The following BCL9L variants were observed in gnomAD, a reference collection of about 807,000 sequenced individuals.
The protein encoded by BCL9L is B-cell CLL/lymphoma 9-like protein.
Under a neutral mutation model 99.4 loss-of-function variants are expected in BCL9L, and 19 were observed. The observed-to-expected ratio is 0.19, with a 90% CI of 0.13 to 0.28. BCL9L has a LOEUF of 0.28. Among genes scored for constraint, BCL9L ranks in the 10% least tolerant of loss-of-function variants. The probability of loss-of-function intolerance (pLI) is 1.00; values close to 1 mark genes in which losing one functional copy is unlikely to be tolerated. For synonymous variants in BCL9L, 900 were observed against 854.8 expected (o/e 1.05, Z -0.92); for missense variants, 2,023 against 2,101.6 (o/e 0.96, Z 0.73).
rs1941130199 is a variant in BCL9L, at chr11:118,921,291, G to A, written c.-130-2412C>T. 6.6e-6 allele frequency among the ~76,000 whole-genome samples: 1 copy of A among 152,090 alleles called. No individual in the cohort carries two copies. Among genetic ancestry groups the A allele is most frequent in the Non-Finnish European group, 1.5e-5 (1 of 68,036 alleles). On this transcript the variant is annotated intron_variant, in intron 1 of 9. Coordinates refer to ENST00000683865, the MANE Select transcript of BCL9L (RefSeq NM_001378213.1). The surrounding 1 kb of genome is among the most constrained non-coding windows in gnomAD (Gnocchi z 5.4). ...ACACAAACTTATACACACACACAAA[G>A]TAGTACGCAGCCATGTGCTAGCACA... is the stretch of plus-strand genomic sequence containing the variant.
At chr11:118,906,065 C>T (rs758442119) in intron 5 of BCL9L, among the ~76,000 whole-genome samples, 2 of 151,918 alleles carry the variant, frequency 1.3e-5, no homozygotes, top group Non-Finnish European at 2.9e-5. Flanking sequence ...AGGTGTGATA[C>T]ATGCCTGAGC....
chr11:118,906,690 T>G (rs551992625), intron 5 of BCL9L, among the ~76,000 whole-genome samples: 1 of 151,998 alleles, frequency 6.6e-6, no homozygotes, highest in East Asian at 1.9e-4. Context: ...TTTCTTTCTC[T>G]CTCTCTCTCT....
Position 118,903,086 on chromosome 11 carries a change from G to T in BCL9L, c.750-12C>A, listed in dbSNP as rs377448514. ...CTGCCTCTGCAGCCCTGCACAGAGT[G>T]GGGGCACCGACAGCTCAGAGAGGTG... On this transcript the variant is annotated splice_polypyrimidine_tract_variant and intron_variant, in intron 6 of 9. Coordinates refer to ENST00000683865, the MANE Select transcript of BCL9L (RefSeq NM_001378213.1). This position sits in a 1 kb window ranked among gnomAD's most constrained non-coding sequence, Gnocchi z 5.6. 3.6e-5 allele frequency: 57 copies of T among 1,567,506 alleles called. No homozygotes were observed. The highest frequency in any genetic ancestry group is 4.6e-5 in the East Asian group (2 of 43,098).
rs1200604418 is a variant in BCL9L, at chr11:118,903,332, C to A, written c.653G>T (p.Arg218Leu). ...GAPHGPPPGL[R>L]PDAPGGGGGG... ...GCCCCCGCCCCCAGGGGCATCAGGC[C>A]GAAGGCCAGGAGGAGGGCCGTGCGG... The change falls in exon 6 of 10, where the codon CGG becomes CTG. Residue 218 changes from arginine (R) to leucine (L), a missense_variant. Around this residue, in one of 3 missense-constraint regions of BCL9L, gnomAD observed 1,116 missense variants for 1,194.6 expected, o/e 0.93. Transcript: ENST00000683865. This position sits in a 1 kb window ranked among gnomAD's most constrained non-coding sequence, Gnocchi z 5.6. The A allele has an allele frequency of 6.3e-7, 1 of 1,589,794 alleles. No homozygotes were observed. Among genetic ancestry groups the A allele is most frequent in the Non-Finnish European group, 8.6e-7 (1 of 1,169,280 alleles).
At position 118,907,618 on chromosome 11, in the gene BCL9L, G is replaced by A. The variant is rs143308645; in HGVS notation, c.413-16C>T. 8.2e-4 allele frequency: 1,317 copies of A among 1,609,536 alleles called. 2 individuals carry two copies. Among genetic ancestry groups the A allele is most frequent in the Non-Finnish European group, 1.0e-3 (1,205 of 1,179,936 alleles). ...GGCGCCACCTCTGCCCAGGCAGGAC[G>A]GAGGAAAGAGTGAGTGCCTAGAGGC... is the stretch of plus-strand genomic sequence containing the variant. On this transcript the variant is annotated splice_polypyrimidine_tract_variant and intron_variant, in intron 4 of 9. Transcript: ENST00000683865.
rs1427749704 is a variant in BCL9L at position 118,921,695 on chromosome 11, C to T, written c.-130-2816G>A. Among the ~76,000 whole-genome samples the T allele has an allele frequency of 6.6e-6, 1 of 152,094 alleles. No homozygotes were observed. Among genetic ancestry groups the T allele is most frequent in the Non-Finnish European group, 1.5e-5 (1 of 68,014 alleles). On this transcript the variant is annotated intron_variant, in intron 1 of 9. Transcript: ENST00000683865. The surrounding 1 kb of genome is among the most constrained non-coding windows in gnomAD (Gnocchi z 5.4). ...GCAAAGGAGAGGCCTCTGCTTTTGC[C>T]ACTGACAGGAAAAGTGAGAAGGCAG... is the stretch of plus-strand genomic sequence containing the variant.
chr11:118,913,485 T>C (rs372576960), intron 2 of BCL9L, among the ~76,000 whole-genome samples: 2 of 152,176 alleles, frequency 1.3e-5, no homozygotes, highest in East Asian at 1.9e-4. Context: ...GGCCGGGCCT[T>C]GGGAAGCAAT....
At chr11:118,918,082 G>A (rs934959674) in intron 2 of BCL9L, among the ~76,000 whole-genome samples, 3 of 152,190 alleles carry the variant, frequency 2.0e-5, no homozygotes, top group East Asian at 1.9e-4. Flanking sequence ...GGAGAGGTTC[G>A]GGGCTGAGGT....
chr11:118,924,939 G>C (rs1204995778), intron 1 of BCL9L, among the ~76,000 whole-genome samples: 5 of 152,210 alleles, frequency 3.3e-5, no homozygotes, highest in Non-Finnish European at 7.3e-5. Context: ...CCAGGGCAAG[G>C]TTCGCTGCTC....
chr11:118,908,655 C>T lies in BCL9L; in HGVS notation c.27G>A (p.Arg9=). The T allele has an allele frequency of 6.2e-7, 1 of 1,605,436 alleles. No homozygotes were observed. Among genetic ancestry groups the T allele is most frequent in the South Asian group, 1.1e-5 (1 of 90,788 alleles). The change falls in exon 4 of 10, where the codon AGG becomes AGA. Residue 9 remains arginine (R), a splice_region_variant and synonymous_variant. Coordinates refer to ENST00000683865, the MANE Select transcript of BCL9L (RefSeq NM_001378213.1). The part of the protein sequence containing the change: MRILANKT[R]LPHPRRREAP... ...CTTCTCTCCTCCTGGGGTGGGGTAA[C>T]CTGGGAGGAGGTGGGAGAAATGTGA... is the stretch of plus-strand genomic sequence containing the variant.
chr11:118,911,000 C>T, intron 2 of BCL9L: 1 of 282,900 alleles, frequency 3.5e-6, no homozygotes, highest in South Asian at 2.9e-5. Context: ...ACCGGGGCTG[C>T]CCGAGGGCTG....
Position 118,901,867 on chromosome 11 carries a change from T to C in BCL9L, c.1876A>G (p.Met626Val). 1.2e-6 allele frequency: 2 copies of C among 1,611,288 alleles called. No individual in the cohort carries two copies. The highest frequency in any genetic ancestry group is 1.7e-4 in the Middle Eastern group (1 of 6,060). Residue 626 changes from methionine (M) to valine (V), a missense_variant, in exon 8 of 10, where the codon ATG becomes GTG. Coordinates refer to ENST00000683865, the MANE Select transcript of BCL9L (RefSeq NM_001378213.1). The surrounding 1 kb of genome is among the most constrained non-coding windows in gnomAD (Gnocchi z 6.6). ...CTCACGGGCCTCTGCATGGCATTCA[T>C]GGGCACCTCCATGGGCATACTCTGC... ...GMQSMPMEVPMNAMQRPVRPG... is the reference protein window; with the variant it reads ...GMQSMPMEVPVNAMQRPVRPG...
chr11:118,909,156 A>C (rs1281316751), intron 3 of BCL9L, among the ~76,000 whole-genome samples: 1 of 152,142 alleles, frequency 6.6e-6, no homozygotes, highest in Admixed American at 6.5e-5. Flanking sequence ...CAGTGGGAAA[A>C]CGCACACCAG....
intron 5 of BCL9L, among the ~76,000 whole-genome samples, chr11:118,904,228 G>T (rs1351339291): frequency 6.6e-6 from 1 of 152,068 alleles, no homozygotes; most frequent in Admixed American, 6.5e-5. Context: ...ATCACCTGAG[G>T]TCATGAGTTC....
At position 118,901,989 on chromosome 11, in the gene BCL9L, T is replaced by G. The variant is rs774550879; in HGVS notation, c.1754A>C (p.Asp585Ala). The change falls in exon 8 of 10, where the codon GAT (aspartate) becomes GCT (alanine). Residue 585 changes from aspartate (D) to alanine (A), a missense_variant. Asp to Ala is a moderately radical substitution (Grantham distance 126). Transcript: ENST00000683865. The surrounding 1 kb of genome is among the most constrained non-coding windows in gnomAD (Gnocchi z 6.6). Reference protein sequence around the residue: ...GMGAQLRGPMDVQDPMQLRGG... With the variant: ...GMGAQLRGPMAVQDPMQLRGG... The stretch of plus-strand genomic sequence containing the variant: ...CCGGAGCTGCATGGGATCTTGAACA[T>G]CCATGGGCCCCCGCAGCTGCGCACC... The G allele has an allele frequency of 2.5e-6, 4 of 1,613,254 alleles. No homozygotes were observed. The highest frequency in any genetic ancestry group is 1.7e-4 in the Middle Eastern group (1 of 6,058).
chr11:118,923,351 C>T (rs1320429976), intron 1 of BCL9L, among the ~76,000 whole-genome samples: 1 of 152,176 alleles, frequency 6.6e-6, no homozygotes, highest in Non-Finnish European at 1.5e-5. Context: ...AGTTGAGACC[C>T]CAGCCTAGGG....
chr11:118,907,485 T>C lies in BCL9L; in HGVS notation c.530A>G (p.His177Arg). The C allele has an allele frequency of 6.2e-7, 1 of 1,614,202 alleles. No individual in the cohort carries two copies. Among genetic ancestry groups the C allele is most frequent in the Non-Finnish European group, 8.5e-7 (1 of 1,180,028 alleles). Residue 177 changes from histidine (H) to arginine (R), a missense_variant and splice_region_variant, in exon 5 of 10, where the codon CAC becomes CGC. Physicochemically the swap from His to Arg is conservative, Grantham distance 29. Coordinates refer to ENST00000683865, the MANE Select transcript of BCL9L (RefSeq NM_001378213.1). ...EEDDKPIGAT[H>R]NCNVADPAMA... Reference sequence around the variant, plus strand: ...CCCTGGCATCGACAGGCACTCACTGTGGGTGGCCCCAATGGGCTTGTCGTC... The same window carrying C: ...CCCTGGCATCGACAGGCACTCACTGCGGGTGGCCCCAATGGGCTTGTCGTC...
intron 2 of BCL9L, among the ~76,000 whole-genome samples, chr11:118,915,073 T>C (rs1262301885): frequency 6.6e-6 from 1 of 151,888 alleles, no homozygotes; most frequent in Non-Finnish European, 1.5e-5. Flanking sequence ...AGGCGGAGGT[T>C]GCAGTGAGCT....
At position 118,907,464 on chromosome 11, in the gene BCL9L, G is replaced by A; in HGVS notation, c.532+19C>T. 1 of 1,614,142 alleles carries A rather than the reference G, an allele frequency of 6.2e-7. No individual in the cohort carries two copies. Among genetic ancestry groups the A allele is most frequent in the African/African-American group, 1.3e-5 (1 of 75,064 alleles). ...GGAACATCACGGGCTACAGCACCCT[G>A]GCATCGACAGGCACTCACTGTGGGT... is the stretch of plus-strand genomic sequence containing the variant. On this transcript the variant is annotated intron_variant, in intron 5 of 9. Transcript: ENST00000683865.
Sources: gnomAD v4.1 joint callset for allele counts (sites outside exome capture counted in the v4.1 genomes callset) on GRCh38, gnomAD v4.1.1 for gene constraint, gnomAD v4.1.1 regional missense constraint, Gnocchi (gnomAD v3.1) non-coding constraint, MANE v1.5 for transcripts, NCBI Gene and HGNC (gene_info 2026-07-23, HGNC 2026-07-21) for gene names.